The following NCAM2 variants were observed in gnomAD, a reference collection of about 807,000 sequenced individuals.
NCAM2 encodes the protein neural cell adhesion molecule 2, also known as N-CAM-2.
A neutral mutation model predicts 98.1 loss-of-function variants in NCAM2; 30 were observed. The observed-to-expected ratio is 0.31, with a 90% CI of 0.23 to 0.41. The LOEUF (loss-of-function observed/expected upper bound fraction) is 0.41, where lower values mean the gene tolerates loss of function less well. Ranked by LOEUF, NCAM2 falls within the 10% of genes least tolerant of loss-of-function variation. The pLI is 1.00. For synonymous variants in NCAM2, 368 were observed against 342.4 expected (o/e 1.07, Z -0.83); for missense variants, 867 against 1,005.8 (o/e 0.86, Z 1.87).
At chr21:21,242,863 T>G (rs1298997554) in intron 1 of NCAM2, among the ~76,000 whole-genome samples, 1 of 152,168 alleles carries the variant, frequency 6.6e-6, no homozygotes, top group East Asian at 1.9e-4. Flanking sequence ...GAGGAAAAGC[T>G]TTTGGAATTG....
intron 1 of NCAM2, among the ~76,000 whole-genome samples, chr21:21,250,283 C>T (rs2071424175): frequency 6.6e-6 from 1 of 152,180 alleles, no homozygotes; most frequent in Admixed American, 6.5e-5. Flanking sequence ...GCACTATGGT[C>T]CTTCTCAACT....
intron 16 of NCAM2, among the ~76,000 whole-genome samples, chr21:21,514,491 AAAAAAAT>A (rs1397822586): frequency 7.6e-6 from 1 of 131,926 alleles, no homozygotes; most frequent in Non-Finnish European, 1.6e-5. Context: ...AAAAAAAAAA[AAAAAAAT>A]GTTTTCTCTG....
chr21:21,029,511 G>T (rs979071524), intron 1 of NCAM2, among the ~76,000 whole-genome samples: 1 of 152,214 alleles, frequency 6.6e-6, no homozygotes, highest in Non-Finnish European at 1.5e-5. Context: ...ACTTAGGACA[G>T]TGGATTTGTA....
intron 1 of NCAM2, among the ~76,000 whole-genome samples, chr21:21,214,267 G>C (rs1005454936): frequency 3.8e-4 from 58 of 152,190 alleles, no homozygotes; most frequent in Admixed American, 2.7e-3. Context: ...TGAGATTGTG[G>C]AAATAAGCAT....
At chr21:21,417,706 T>G (rs1177121366) in intron 10 of NCAM2, among the ~76,000 whole-genome samples, 1 of 152,044 alleles carries the variant, frequency 6.6e-6, no homozygotes, top group Admixed American at 6.6e-5. Flanking sequence ...GTTAACTTAA[T>G]TATGGATTTC....
intron 1 of NCAM2, among the ~76,000 whole-genome samples, chr21:21,007,519 A>G (rs1031156006): frequency 1.3e-5 from 2 of 152,174 alleles, no homozygotes; most frequent in Non-Finnish European, 2.9e-5. Flanking sequence ...GTGGTGGATC[A>G]TTCATGAATT....
At chr21:21,198,231 T>TAG (rs1319058722) in intron 1 of NCAM2, among the ~76,000 whole-genome samples, 64 of 148,256 alleles carry the variant, frequency 4.3e-4, no homozygotes, top group African/African-American at 1.5e-3. Flanking sequence ...TGTGTGTGTA[T>TAG]TCATTTGGTG....
intron 10 of NCAM2, among the ~76,000 whole-genome samples, chr21:21,412,054 T>C (rs1369478776): frequency 2.0e-5 from 3 of 152,052 alleles, no homozygotes; most frequent in Non-Finnish European, 4.4e-5. Context: ...TAGTGTGTAG[T>C]CTCCTTGAAT....
At chr21:21,324,778 C>A (rs2074469457) in intron 6 of NCAM2, among the ~76,000 whole-genome samples, 2 of 152,028 alleles carry the variant, frequency 1.3e-5, no homozygotes, top group South Asian at 4.1e-4. Context: ...CCAGGAGCAC[C>A]TGTGACTTAT....
At chr21:21,344,311 A>G (rs758193707) in intron 8 of NCAM2, among the ~76,000 whole-genome samples, 1 of 152,114 alleles carries the variant, frequency 6.6e-6, no homozygotes, top group Non-Finnish European at 1.5e-5. Flanking sequence ...TAGCACAGCC[A>G]TGGGGGTAAA....
At chr21:21,114,223 G>A (rs1403357124) in intron 1 of NCAM2, among the ~76,000 whole-genome samples, 1 of 152,084 alleles carries the variant, frequency 6.6e-6, no homozygotes, top group African/African-American at 2.4e-5. Context: ...GAAAGATGTG[G>A]CAGGCTTCTC....
chr21:21,082,126 G>A (rs2065815549), intron 1 of NCAM2, among the ~76,000 whole-genome samples: 1 of 149,920 alleles, frequency 6.7e-6, no homozygotes, highest in Non-Finnish European at 1.5e-5. Flanking sequence ...TACTCGGGAG[G>A]CTGAGACAGG....
intron 1 of NCAM2, among the ~76,000 whole-genome samples, chr21:21,160,140 C>A (rs1446249475): frequency 2.6e-5 from 4 of 152,080 alleles, no homozygotes; most frequent in East Asian, 1.9e-4. Flanking sequence ...TTCTGGCAGA[C>A]TCAACTGTTA....
intron 12 of NCAM2, among the ~76,000 whole-genome samples, chr21:21,435,347 C>T (rs918926488): frequency 4.6e-5 from 7 of 152,126 alleles, no homozygotes; most frequent in African/African-American, 1.7e-4. Flanking sequence ...TCATATCTCT[C>T]CTCTCATCTC....
intron 9 of NCAM2, among the ~76,000 whole-genome samples, chr21:21,403,070 A>C (rs232449): frequency 0.17 from 25,309 of 151,998 alleles, 3,216 homozygotes; most frequent in African/African-American, 0.35. Context: ...AACATTTTTT[A>C]AAATACCTGT....
At chr21:21,527,875 G>A (rs970855028) in intron 16 of NCAM2, among the ~76,000 whole-genome samples, 2 of 152,182 alleles carry the variant, frequency 1.3e-5, no homozygotes, top group Non-Finnish European at 2.9e-5. Context: ...GAAAGTGTAT[G>A]TCTACACCAA....
intron 1 of NCAM2, among the ~76,000 whole-genome samples, chr21:21,082,913 A>G (rs1172005320): frequency 1.3e-5 from 2 of 152,208 alleles, no homozygotes; most frequent in Admixed American, 6.5e-5. Flanking sequence ...AATTGAGGTC[A>G]AATATCCAAA....
At chr21:21,419,305 CTTTTTTT>C (rs34109924) in intron 11 of NCAM2, among the ~76,000 whole-genome samples, 3 of 99,958 alleles carry the variant, frequency 3.0e-5, no homozygotes, top group Non-Finnish European at 5.9e-5. Context: ...AAATAGGGAA[CTTTTTTT>C]TTTTTTTTTT....
Position 21,225,621 on chromosome 21 carries a change from GTTTAT to G in NCAM2, c.56-54949_56-54945del, listed in dbSNP as rs556076275. ...TATCACTAGTACTAGATATAAACCT[GTTTAT>G]TTTATTTAAATTTTAGTTTTATATT... On this transcript the variant is annotated intron_variant, in intron 1 of 17. Transcript: ENST00000400546. 4.8e-4 allele frequency among the ~76,000 whole-genome samples: 73 copies of G among 151,740 alleles called. No individual in the cohort carries two copies. The South Asian group carries it at 0.013, about 26-fold the overall frequency.
Sources: gnomAD v4.1 joint callset for allele counts (sites outside exome capture counted in the v4.1 genomes callset) on GRCh38, gnomAD v4.1.1 for gene constraint, MANE v1.5 for transcripts, NCBI Gene and HGNC (gene_info 2026-07-23, HGNC 2026-07-21) for gene names.